KANSL1L: variants seen among roughly 807,000 people sequenced by gnomAD.
The protein encoded by KANSL1L is KAT8 regulatory NSL complex subunit 1 like, also known as KAT8 regulatory NSL complex subunit 1-like protein.
Under a neutral mutation model 108.6 loss-of-function variants are expected in KANSL1L, and 25 were observed. The ratio of observed to expected loss-of-function variants is 0.23; its 90% confidence interval spans 0.17 to 0.32. The LOEUF is 0.32. Among genes scored for constraint, KANSL1L ranks in the 10% least tolerant of loss-of-function variants. The pLI, the probability that KANSL1L is intolerant of heterozygous loss-of-function variation, is 1.00. For synonymous variants in KANSL1L, 405 were observed against 395.1 expected (o/e 1.03, Z -0.30); for missense variants, 1,137 against 1,125.7 (o/e 1.01, Z -0.14).
intron 3 of KANSL1L, among the ~76,000 whole-genome samples, chr2:210,110,400 T>A (rs2094892331): frequency 6.6e-6 from 1 of 152,114 alleles, no homozygotes; most frequent in Non-Finnish European, 1.5e-5. Context: ...GAGAGGCAGT[T>A]TTGCTAACTT....
In KANSL1L at chr2:210,022,882, T is replaced by A. The variant is rs2093879794; in HGVS notation, c.*67A>T. 2.8e-6 allele frequency: 3 copies of A among 1,069,998 alleles called. No homozygotes were observed. The highest frequency in any genetic ancestry group is 2.9e-6 in the Non-Finnish European group (2 of 701,220). The allele number at this position is 1,069,998 out of a possible 1,614,324, so 66.3% of individuals were successfully genotyped here. A position where few individuals can be genotyped will look rare whatever the true frequency, so the allele number is the denominator to read the frequency against. On this transcript the variant is annotated 3_prime_UTR_variant, in exon 15 of 15. Transcript: ENST00000281772. Reference sequence around the variant, plus strand: ...CTCTTATTCTGGAGGGGATGGGGGATCCAGAACAGGGCTTTATTTCCTCCC... The same window carrying A: ...CTCTTATTCTGGAGGGGATGGGGGAACCAGAACAGGGCTTTATTTCCTCCC...
chr2:210,027,499 A>G (rs1269740259), intron 11 of KANSL1L, 149 bp from the exon 12 acceptor site: 3 of 607,728 alleles, frequency 4.9e-6, no homozygotes, highest in Non-Finnish European at 8.9e-6. Flanking sequence ...TAAAAGAAAA[A>G]CATTTGTATT....
intron 1 of KANSL1L, among the ~76,000 whole-genome samples, chr2:210,167,687 T>C (rs1458699479): frequency 3.3e-5 from 5 of 150,430 alleles, no homozygotes; most frequent in African/African-American, 4.9e-5. Context: ...CTCAATATTA[T>C]ATAAAATAAA....
intron 4 of KANSL1L, among the ~76,000 whole-genome samples, chr2:210,102,951 G>T (rs1362957798): frequency 6.6e-6 from 1 of 152,120 alleles, no homozygotes; most frequent in Non-Finnish European, 1.5e-5. Context: ...ATTTGACCCA[G>T]CCATCCCATT....
At chr2:210,167,592 C>T (rs1015096741) in intron 1 of KANSL1L, among the ~76,000 whole-genome samples, 1 of 151,936 alleles carries the variant, frequency 6.6e-6, no homozygotes, top group African/African-American at 2.4e-5. Flanking sequence ...CATGAATAAA[C>T]ACTGATTAAT....
At chr2:210,144,820 T>G (rs1460148359) in intron 2 of KANSL1L, among the ~76,000 whole-genome samples, 2 of 152,224 alleles carry the variant, frequency 1.3e-5, no homozygotes, top group African/African-American at 4.8e-5. Flanking sequence ...GATCTTCTAT[T>G]TCTTTAGGAT....
At chr2:210,138,691 T>C (rs750891990) in intron 2 of KANSL1L, among the ~76,000 whole-genome samples, 15 of 152,212 alleles carry the variant, frequency 9.9e-5, no homozygotes, top group African/African-American at 4.8e-5. Flanking sequence ...TATGTACACA[T>C]TGTATAAGAT....
intron 6 of KANSL1L, among the ~76,000 whole-genome samples, chr2:210,062,822 C>A (rs2094433167): frequency 6.6e-6 from 1 of 152,102 alleles, no homozygotes; most frequent in Non-Finnish European, 1.5e-5. Context: ...AAAAGGGAAA[C>A]AGCATAAAAT....
chr2:210,098,214 G>A lies in KANSL1L; in HGVS notation c.1429-7C>T, dbSNP rs2125408037. The A allele has an allele frequency of 6.2e-7, 1 of 1,607,336 alleles. No individual in the cohort carries two copies. The highest frequency in any genetic ancestry group is 2.3e-5 in the East Asian group (1 of 44,284). ...TCTCAGTCAACTGTGCACTCTGCAA[G>A]GAAACAGTCAACCTTTTACTACTGC... On this transcript the variant is annotated splice_region_variant and splice_polypyrimidine_tract_variant and intron_variant, in intron 4 of 14. Coordinates refer to ENST00000281772, the MANE Select transcript of KANSL1L (RefSeq NM_152519.4).
intron 3 of KANSL1L, among the ~76,000 whole-genome samples, 160 bp from the exon 4 acceptor site, chr2:210,104,461 A>G (rs976719291): frequency 6.6e-6 from 1 of 152,218 alleles, no homozygotes; most frequent in Admixed American, 6.5e-5. Flanking sequence ...CTGGTTTAAA[A>G]CACATGTAGC....
At chr2:210,029,118 A>G (rs999378669) in intron 10 of KANSL1L, 149 bp from the exon 11 acceptor site, 2 of 605,490 alleles carry the variant, frequency 3.3e-6, no homozygotes, top group Non-Finnish European at 5.5e-6. Flanking sequence ...ATGTTAAGAA[A>G]ACCAAAAAAT....
At chr2:210,122,042 C>T (rs1023665516) in intron 3 of KANSL1L, among the ~76,000 whole-genome samples, 1 of 152,100 alleles carries the variant, frequency 6.6e-6, no homozygotes, top group Non-Finnish European at 1.5e-5. Context: ...AGAGGATACA[C>T]ACAAAAAGGA....
intron 8 of KANSL1L, 49 bp from the exon 9 acceptor site, chr2:210,031,595 C>G (rs897290727): frequency 8.3e-7 from 1 of 1,211,240 alleles, no homozygotes; most frequent in African/African-American, 1.6e-5. Context: ...TTAACACAGA[C>G]AGTGAACATG....
Position 210,153,618 on chromosome 2 carries a change from T to C in KANSL1L, c.965A>G (p.Gln322Arg). 6.2e-7 allele frequency: 1 copy of C among 1,613,804 alleles called. No homozygotes were observed. The highest frequency in any genetic ancestry group is 8.5e-7 in the Non-Finnish European group (1 of 1,179,914). The change falls in exon 2 of 15, where the codon CAA becomes CGA. Residue 322 changes from glutamine to arginine, a missense_variant. Physicochemically the swap from Gln to Arg is conservative, Grantham distance 43. Around this residue, in one of 3 missense-constraint regions of KANSL1L, gnomAD observed 556 missense variants for 537.7 expected, o/e 1.03. Transcript: ENST00000281772. ...CCCTGTAGCAGAAAATGCAAATCTT[T>C]GGATTTCCGCAGCTGTACACCGTGC... ...GFARCTAAEI[Q>R]RFAFSATGLL...
intron 9 of KANSL1L, 93 bp downstream of exon 9, chr2:210,031,328 T>C (rs909139416): frequency 2.2e-4 from 182 of 829,272 alleles, no homozygotes; most frequent in East Asian, 1.4e-3. Context: ...GTGGCTGTTC[T>C]GGATTATAAA....
intron 1 of KANSL1L, among the ~76,000 whole-genome samples, chr2:210,164,474 T>A (rs912252622): frequency 1.3e-5 from 2 of 152,126 alleles, no homozygotes; most frequent in Admixed American, 6.5e-5. Flanking sequence ...AAGAAATGTC[T>A]TTACAACTAC....
chr2:210,060,387 G>T (rs1481860196), intron 6 of KANSL1L, among the ~76,000 whole-genome samples: 2 of 152,122 alleles, frequency 1.3e-5, no homozygotes, highest in African/African-American at 4.8e-5. Context: ...TTTCATAAAG[G>T]TTATAATATT....
At chr2:210,100,888 T>G (rs2094787555) in intron 4 of KANSL1L, among the ~76,000 whole-genome samples, 1 of 152,146 alleles carries the variant, frequency 6.6e-6, no homozygotes, top group South Asian at 2.1e-4. Context: ...TCTGCCCACC[T>G]TGGTCTCCCA....
chr2:210,098,110 C>T lies in KANSL1L; in HGVS notation c.1526G>A (p.Cys509Tyr), dbSNP rs781505253. ...PLSSKSCSHK[C>Y]LANGIYRSAS... is the part of the protein sequence containing the mutation. ...CCTCCTGTAAATGCCATTAGCCAGA[C>T]ATTTATGGCTACAGGATTTGGAAGA... The change falls in exon 5 of 15, where the codon TGT becomes TAT. Residue 509 changes from cysteine to tyrosine, a missense_variant. This residue lies in a region of KANSL1L where 575 missense variants were observed against 567.1 expected (regional missense o/e 1.01). Transcript: ENST00000281772. The T allele has an allele frequency of 1.9e-6, 3 of 1,609,606 alleles. No individual in the cohort carries two copies. Among genetic ancestry groups the T allele is most frequent in the South Asian group, 2.2e-5 (2 of 90,446 alleles).
Sources: allele counts gnomAD v4.1 joint callset (sites outside exome capture counted in the v4.1 genomes callset), GRCh38; gene constraint gnomAD v4.1.1; regional missense constraint gnomAD v4.1.1; transcripts MANE v1.5; gene names NCBI Gene and HGNC (gene_info 2026-07-23, HGNC 2026-07-21).